The following DNAH9 variants were observed in gnomAD, a reference collection of about 807,000 sequenced individuals.
DNAH9 encodes DNAH9 variant protein.
In DNAH9, 345 loss-of-function variants were observed where a neutral mutation model predicts 471.6. That is an observed-to-expected ratio of 0.73 (90% CI 0.67 to 0.80). The LOEUF (loss-of-function observed/expected upper bound fraction) is 0.80. DNAH9 is among the 30% of genes least tolerant of loss of function. DNAH9 has a pLI of 0.00. For synonymous variants in DNAH9, 2,093 were observed against 2,123.6 expected, an observed-to-expected ratio of 0.99 and a Z score of 0.40; for missense variants, 5,407 against 5,609.2, an observed-to-expected ratio of 0.96 and a Z score of 1.15.
At chr17:11,946,663 C>CAAAAAAAAAA (rs754149437) in intron 67 of DNAH9, among the ~76,000 whole-genome samples, 1 of 67,936 alleles carries the variant, frequency 1.5e-5, no homozygotes, top group Non-Finnish European at 2.7e-5. Context: ...GACTCCATCT[C>CAAAAAAAAAA]AAAAAAAAAA....
chr17:11,879,726 T>TAA (rs778526077), intron 53 of DNAH9, among the ~76,000 whole-genome samples: 5 of 150,646 alleles, frequency 3.3e-5, no homozygotes, highest in African/African-American at 1.2e-4. Flanking sequence ...ATATTTTCTG[T>TAA]AAAAAAAAAC....
Position 11,651,116 on chromosome 17 carries a change from G to A in DNAH9, c.2145G>A (p.Met715Ile), listed in dbSNP as rs755778334. 6.2e-6 allele frequency: 10 copies of A among 1,614,038 alleles called. No individual in the cohort carries two copies. In the East Asian group the frequency reaches 1.8e-4, roughly 29 times the overall value. Residue 715 changes from methionine (M) to isoleucine (I), a missense_variant, in exon 13 of 69, where the codon ATG becomes ATA. Around this residue, in one of 3 missense-constraint regions of DNAH9, gnomAD observed 4,636 missense variants for 4,900.3 expected, o/e 0.95. Coordinates refer to ENST00000262442, the MANE Select transcript of DNAH9 (RefSeq NM_001372.4). The part of the protein sequence containing the change: ...KEMSYLEPRE[M>I]KHMPETAAAM... Reference sequence around the variant, plus strand: ...TGAGCTATCTTGAACCCAGAGAGATGAAACACATGCCTGAGACAGCAGCAG... The same window carrying A: ...TGAGCTATCTTGAACCCAGAGAGATAAAACACATGCCTGAGACAGCAGCAG...
intron 57 of DNAH9, 142 bp downstream of exon 57, chr17:11,887,107 A>G (rs1007485254): frequency 6.2e-6 from 7 of 1,128,274 alleles, no homozygotes; most frequent in Admixed American, 2.8e-5. Flanking sequence ...GAGCTATGTT[A>G]CCTTCAGACA....
Position 11,845,149 on chromosome 17 carries a change from TC to T in DNAH9, c.9508-8848del, listed in dbSNP as rs528265782. ...TAGGTATACCTCCCAATGCTATTCC[TC>T]CCCCCTCCCCCGACCCCACAACAGT... On this transcript the variant is annotated intron_variant, in intron 49 of 68. Coordinates refer to ENST00000262442, the MANE Select transcript of DNAH9 (RefSeq NM_001372.4). 5.0e-3 allele frequency among the ~76,000 whole-genome samples: 712 copies of T among 142,060 alleles called. 7 individuals are homozygous for T. The highest frequency in any genetic ancestry group is 0.017 in the African/African-American group (651 of 38,304). 93.2% of individuals were successfully genotyped at this position (142,060 alleles called of 152,430 possible).
At chr17:11,740,587 A>G (rs1237598734) in intron 29 of DNAH9, among the ~76,000 whole-genome samples, 1 of 152,256 alleles carries the variant, frequency 6.6e-6, no homozygotes, top group Non-Finnish European at 1.5e-5. Flanking sequence ...CATTTAGTCC[A>G]TAACACATAC....
At chr17:11,822,228 G>A (rs1397264338) in intron 46 of DNAH9, among the ~76,000 whole-genome samples, 166 bp downstream of exon 46, 1 of 152,184 alleles carries the variant, frequency 6.6e-6, no homozygotes, top group Non-Finnish European at 1.5e-5. Context: ...CTTCTCATCT[G>A]CTTTAAGGGC....
In DNAH9 at chr17:11,807,867, C is replaced by T; in HGVS notation, c.8556C>T (p.Arg2852=). Residue 2852 remains arginine, a synonymous_variant, in exon 44 of 69, where the codon CGC becomes CGT. Coordinates refer to ENST00000262442, the MANE Select transcript of DNAH9 (RefSeq NM_001372.4). ...TGGATGTCTTCCAGATCACACTGCG[C>T]AAAGGCTACCAGATCCAGGACTTCA... The part of the protein sequence containing the change: ...SSMDVFQITL[R]KGYQIQDFKM... 1.2e-6 allele frequency: 2 copies of T among 1,612,138 alleles called. No homozygotes were observed. Among genetic ancestry groups the T allele is most frequent in the Non-Finnish European group, 8.5e-7 (1 of 1,178,412 alleles).
chr17:11,828,632 C>T (rs572319864), intron 48 of DNAH9, among the ~76,000 whole-genome samples: 10 of 152,268 alleles, frequency 6.6e-5, no homozygotes, highest in Middle Eastern at 3.4e-3. Flanking sequence ...TTTTCTTCCT[C>T]GGTTCTACCA....
chr17:11,936,714 A>G (rs1349457338), intron 65 of DNAH9, among the ~76,000 whole-genome samples: 1 of 152,194 alleles, frequency 6.6e-6, no homozygotes, highest in Non-Finnish European at 1.5e-5. Flanking sequence ...GGCATTAGGC[A>G]TGGCAGACTC....
intron 45 of DNAH9, among the ~76,000 whole-genome samples, chr17:11,817,149 A>C (rs1970128244): frequency 6.6e-6 from 1 of 152,218 alleles, no homozygotes; most frequent in Non-Finnish European, 1.5e-5. Flanking sequence ...TGTTCACATC[A>C]CAAAATCCCC....
rs1974528682 is a variant in DNAH9, at chr17:11,932,017, A to G, written c.12109A>G (p.Thr4037Ala). ...HKALDNFTQDTLEMCSRETEF... is the reference protein window; with the variant it reads ...HKALDNFTQDALEMCSRETEF... ...AAAAGCGACACTCTCATTTCAGGAC[A>G]CTCTGGAGATGTGTTCTCGGGAGAC... Residue 4037 changes from threonine to alanine, a missense_variant, in exon 64 of 69, where the codon ACT becomes GCT. Transcript: ENST00000262442. This position sits in a 1 kb window ranked among gnomAD's most constrained non-coding sequence, Gnocchi z 4.3. The G allele has an allele frequency of 1.2e-6, 2 of 1,613,830 alleles. No individual in the cohort carries two copies. Among genetic ancestry groups the G allele is most frequent in the Non-Finnish European group, 1.7e-6 (2 of 1,179,890 alleles).
chr17:11,963,448 GA>G (rs1341196440), intron 68 of DNAH9, among the ~76,000 whole-genome samples: 3 of 150,310 alleles, frequency 2.0e-5, no homozygotes, highest in Admixed American at 6.6e-5. Context: ...AAAAAAAAAA[GA>G]AGACAACGAC....
In DNAH9 at chr17:11,886,878, C is replaced by A; in HGVS notation, c.11025C>A (p.Tyr3675Ter). ...EVKINEAREH[Y>*]RPAAARASLL... ...AAATCAACGAGGCCCGAGAGCACTA[C>A]CGGCCAGCAGCTGCCAGGGCCTCAC... The change falls in exon 57 of 69, where the codon TAC becomes TAA. Residue 3675 changes from tyrosine (Y) to a stop codon, truncating the protein, a stop_gained. Coordinates refer to ENST00000262442, the MANE Select transcript of DNAH9 (RefSeq NM_001372.4). LOFTEE classifies it high-confidence loss of function. The A allele has an allele frequency of 6.2e-7, 1 of 1,613,000 alleles. No individual in the cohort carries two copies. Among genetic ancestry groups the A allele is most frequent in the Non-Finnish European group, 8.5e-7 (1 of 1,179,544 alleles).
chr17:11,965,894 GA>G (rs1232093715), intron 68 of DNAH9, among the ~76,000 whole-genome samples: 5 of 151,846 alleles, frequency 3.3e-5, no homozygotes, highest in Non-Finnish European at 7.4e-5. Flanking sequence ...AGCAAATTTA[GA>G]ATCAGATCAA....
chr17:11,691,470 G>A (rs1470033354), intron 20 of DNAH9, among the ~76,000 whole-genome samples: 1 of 152,128 alleles, frequency 6.6e-6, no homozygotes, highest in Admixed American at 6.5e-5. Flanking sequence ...CCACAGGTTT[G>A]TGTATAAAAT....
rs77603850 is a variant in DNAH9, at chr17:11,897,135, A to G, written c.11406+2639A>G. ...TTAGCAAGATATTTTCTTTAAGCCA[A>G]TACAGCCAAAATATTATCTCAATAT... On this transcript the variant is annotated intron_variant, in intron 59 of 68. Coordinates refer to ENST00000262442, the MANE Select transcript of DNAH9 (RefSeq NM_001372.4). Among the ~76,000 whole-genome samples, 293 of 152,356 alleles carry G rather than the reference A, an allele frequency of 1.9e-3. 1 individual carries two copies. The highest frequency in any genetic ancestry group is 6.0e-3 in the African/African-American group (248 of 41,576).
intron 38 of DNAH9, among the ~76,000 whole-genome samples, chr17:11,780,136 T>C (rs940950441): frequency 1.3e-5 from 2 of 152,254 alleles, no homozygotes; most frequent in African/African-American, 2.4e-5. Context: ...GGAAAACTGC[T>C]GTTAGATCCT....
chr17:11,702,602 C>T (rs185673292), intron 24 of DNAH9, among the ~76,000 whole-genome samples: 28 of 152,210 alleles, frequency 1.8e-4, no homozygotes, highest in Admixed American at 8.5e-4. Flanking sequence ...GAAGGAAAAC[C>T]GGGAAACAGT....
At chr17:11,881,085 C>T in intron 54 of DNAH9, 124 bp from the exon 55 acceptor site, 7 of 877,668 alleles carry the variant, frequency 8.0e-6, no homozygotes, top group Non-Finnish European at 1.3e-5. Context: ...TCCCAGGGCT[C>T]ATCCTAGACA....
Sources: allele counts gnomAD v4.1 joint callset (sites outside exome capture counted in the v4.1 genomes callset), GRCh38; gene constraint gnomAD v4.1.1; regional missense constraint gnomAD v4.1.1; non-coding constraint Gnocchi (gnomAD v3.1); transcripts MANE v1.5; gene names NCBI Gene and HGNC (gene_info 2026-07-23, HGNC 2026-07-21).